MYL7: variants seen among roughly 807,000 people sequenced by gnomAD.
The protein encoded by MYL7 is myosin regulatory light chain 2, atrial isoform.
MYL7 carries 27 observed loss-of-function variants against 22.5 expected under a neutral mutation model. The ratio of observed to expected loss-of-function variants is 1.20; its 90% CI spans 0.89 to 1.66. MYL7 has a LOEUF of 1.66. Among genes scored for constraint, MYL7 ranks in the 40% most tolerant of loss-of-function variants. The pLI is 0.00. For synonymous variants in MYL7, 81 were observed against 84.4 expected, an observed-to-expected ratio of 0.96 and a Z score of 0.22; for missense variants, 209 against 226.8, an observed-to-expected ratio of 0.92 and a Z score of 0.50.
Position 44,139,831 on chromosome 7 carries a change from C to T in MYL7, c.328G>A (p.Ala110Thr). The T allele has an allele frequency of 1.9e-6, 3 of 1,611,244 alleles. No individual in the cohort carries two copies. The change falls in exon 5 of 7, where the codon GCC becomes ACC. Residue 110 changes from alanine to threonine, a missense_variant. By Grantham distance (58) the Ala-to-Thr change is moderately conservative (BLOSUM62 0). Coordinates refer to ENST00000223364, the MANE Select transcript of MYL7 (RefSeq NM_021223.3). ...GTDPEEAILS[A>T]FRMFDPSGKG... is the part of the protein sequence containing the mutation. ...CCGCTGGGGTCAAACATGCGGAAGG[C>T]ACTCAGGATGGCTTCCTCGGGGTCT...
intron 6 of MYL7, 77 bp downstream of exon 6, chr7:44,139,444 G>T: frequency 6.6e-7 from 1 of 1,516,060 alleles, no homozygotes; most frequent in Non-Finnish European, 9.2e-7. Context: ...TGCCTCACTG[G>T]TACTGGGCTC....
Position 44,139,038 on chromosome 7 carries a change from G to C in MYL7, c.427-16C>G. ...TCTGCTCCACCTGCAGGGGACACTGGTGAGTGGCAGTCCCCTGGCTCCTGG... is the reference window on the plus strand; with the variant it reads ...TCTGCTCCACCTGCAGGGGACACTGCTGAGTGGCAGTCCCCTGGCTCCTGG... On this transcript the variant is annotated splice_polypyrimidine_tract_variant and intron_variant, in intron 6 of 6. Transcript: ENST00000223364. The C allele has an allele frequency of 6.2e-7, 1 of 1,603,474 alleles. No individual in the cohort carries two copies. The highest frequency in any genetic ancestry group is 8.5e-7 in the Non-Finnish European group (1 of 1,170,480).
chr7:44,141,245 C>G (rs374644501), intron 1 of MYL7, 58 bp downstream of exon 1: 3 of 1,613,734 alleles, frequency 1.9e-6, no homozygotes, highest in Non-Finnish European at 2.5e-6. Context: ...TCTGCTCCCC[C>G]AGCCCAAAGG....
Position 44,139,487 on chromosome 7 carries a change from G to A in MYL7, c.426+34C>T, listed in dbSNP as rs780056048. The A allele has an allele frequency of 1.9e-6, 3 of 1,611,358 alleles. No homozygotes were observed. The South Asian group carries it at 3.3e-5, about 18-fold the overall frequency. ...TGGGTGAAGGCCCAGAGAAGGTGCT[G>A]GGGATGAGTATTGAAGGGGCTGGGC... is the stretch of plus-strand genomic sequence containing the variant. On this transcript the variant is annotated intron_variant, in intron 6 of 6. Coordinates refer to ENST00000223364, the MANE Select transcript of MYL7 (RefSeq NM_021223.3).
At chr7:44,139,167 G>T in intron 6 of MYL7, 145 bp from the exon 7 acceptor site, 1 of 665,580 alleles carries the variant, frequency 1.5e-6, no homozygotes, top group Non-Finnish European at 2.6e-6. Flanking sequence ...CAGACTCTGG[G>T]TTAATGTTTT....
Position 44,139,519 on chromosome 7 carries a change from A to T in MYL7, c.426+2T>A, listed in dbSNP as rs1423493108. ...AGTATTGAAGGGGCTGGGCAGCCTCACCTCAGCTGGAGAGAACTTGTCTGC... is the reference window on the plus strand; with the variant it reads ...AGTATTGAAGGGGCTGGGCAGCCTCTCCTCAGCTGGAGAGAACTTGTCTGC... On this transcript the variant is annotated splice_donor_variant, in intron 6 of 6. Coordinates refer to ENST00000223364, the MANE Select transcript of MYL7 (RefSeq NM_021223.3). LOFTEE classifies it high-confidence loss of function. 1 of 1,613,410 alleles carries T rather than the reference A, an allele frequency of 6.2e-7. No individual in the cohort carries two copies. Among genetic ancestry groups the T allele is most frequent in the East Asian group, 2.2e-5 (1 of 44,870 alleles).
In MYL7 at chr7:44,141,332, C is replaced by T. The variant is rs572358786; in HGVS notation, c.-27G>A. On this transcript the variant is annotated 5_prime_UTR_variant, in exon 1 of 7. Transcript: ENST00000223364. The stretch of plus-strand genomic sequence containing the variant: ...CTCTCTGCAGAGGTGTGGCTGCTGT[C>T]GTGGTGGCAGGGCCCAGCCTCCTTT... 45 of 1,609,848 alleles carry T rather than the reference C, an allele frequency of 2.8e-5. 1 individual carries two copies. Among genetic ancestry groups the T allele is most frequent in the South Asian group, 1.2e-4 (11 of 90,450 alleles).
intron 6 of MYL7, 66 bp downstream of exon 6, chr7:44,139,455 T>A: frequency 6.4e-7 from 1 of 1,570,954 alleles, no homozygotes. Flanking sequence ...TACTGGGCTC[T>A]GGGTCATGGG....
intron 5 of MYL7, 98 bp from the exon 6 acceptor site, chr7:44,139,667 G>A: frequency 6.4e-7 from 1 of 1,563,012 alleles, no homozygotes; most frequent in Non-Finnish European, 8.7e-7. Context: ...AGGGTTGGCT[G>A]CACCCCAAAG....
chr7:44,139,608 G>T (rs1341704273), intron 5 of MYL7, 39 bp from the exon 6 acceptor site: 1 of 1,588,094 alleles, frequency 6.3e-7, no homozygotes, highest in Non-Finnish European at 8.6e-7. Context: ...GACTGCGGGG[G>T]AGTGACTGCA....
chr7:44,139,963 G>T, intron 4 of MYL7, 103 bp from the exon 5 acceptor site: 1 of 988,872 alleles, frequency 1.0e-6, no homozygotes, highest in Non-Finnish European at 1.5e-6. Flanking sequence ...TCCCAGAAGA[G>T]GTGGGGGTAT....
In MYL7 at chr7:44,139,775, T is replaced by C. The variant is rs369709380; in HGVS notation, c.377+7A>G. 21 of 1,612,604 alleles carry C rather than the reference T, an allele frequency of 1.3e-5. 1 individual carries two copies. The highest frequency in any genetic ancestry group is 9.4e-5 in the African/African-American group (7 of 74,812). ...GGTGCTCCTCATCTGGCTGGGCCCA[T>C]ACTTACTCATCCTTGTTCACCACCC... is the stretch of plus-strand genomic sequence containing the variant. On this transcript the variant is annotated splice_region_variant and intron_variant, in intron 5 of 6. Coordinates refer to ENST00000223364, the MANE Select transcript of MYL7 (RefSeq NM_021223.3).
chr7:44,140,954 C>A lies in MYL7; in HGVS notation c.117+7G>T. The A allele has an allele frequency of 6.2e-7, 1 of 1,611,974 alleles. No homozygotes were observed. Among genetic ancestry groups the A allele is most frequent in the South Asian group, 1.1e-5 (1 of 91,026 alleles). On this transcript the variant is annotated splice_region_variant and intron_variant, in intron 2 of 6. Transcript: ENST00000223364. Reference sequence around the variant, plus strand: ...GGGATCTGAGGCTACTGGGAGTGGGCACTCACTTCTTTGAACTCCTGTATC... The same window carrying A: ...GGGATCTGAGGCTACTGGGAGTGGGAACTCACTTCTTTGAACTCCTGTATC...
chr7:44,140,184 G>A (rs1017878193), intron 4 of MYL7, 139 bp downstream of exon 4: 4 of 687,536 alleles, frequency 5.8e-6, no homozygotes, highest in Admixed American at 5.0e-5. Context: ...AGTCCAGGTG[G>A]GTCCAGGTGG....
Position 44,139,589 on chromosome 7 carries a change from T to G in MYL7, c.378-20A>C, listed in dbSNP as rs758193818. On this transcript the variant is annotated intron_variant, in intron 5 of 6. Transcript: ENST00000223364. Reference sequence around the variant, plus strand: ...TTGAACCTGGGGGGTGAGGAGGGTCTGAGCAGGAGACTGCGGGGGAGTGAC... The same window carrying G: ...TTGAACCTGGGGGGTGAGGAGGGTCGGAGCAGGAGACTGCGGGGGAGTGAC... The G allele has an allele frequency of 1.9e-5, 31 of 1,596,580 alleles. No homozygotes were observed. The highest frequency in any genetic ancestry group is 1.8e-4 in the South Asian group (16 of 88,532).
chr7:44,141,009 G>A lies in MYL7; in HGVS notation c.69C>T (p.Ser23=), dbSNP rs750266782. The A allele has an allele frequency of 1.9e-6, 3 of 1,613,974 alleles. No individual in the cohort carries two copies. Among genetic ancestry groups the A allele is most frequent in the Admixed American group, 1.7e-5 (1 of 60,004 alleles). ...AATKQAQRGS[S]NVFSMFEQAQ... ...CTTGTTCAAACATGGAAAAGACGTTGGAAGAACCACGTTGGGCCTGCTTGG... is the reference window on the plus strand; with the variant it reads ...CTTGTTCAAACATGGAAAAGACGTTAGAAGAACCACGTTGGGCCTGCTTGG... The change falls in exon 2 of 7, where the codon TCC becomes TCT. Residue 23 remains serine, a synonymous_variant. Transcript: ENST00000223364.
Position 44,140,702 on chromosome 7 carries a change from G to A in MYL7, c.193+10C>T. On this transcript the variant is annotated intron_variant, in intron 3 of 6. Coordinates refer to ENST00000223364, the MANE Select transcript of MYL7 (RefSeq NM_021223.3). Reference sequence around the variant, plus strand: ...CCCCAGTGCGCAGGGTGGGAGGTGGGTGCACGCACCCAGCTGGGAGTAGGT... The same window carrying A: ...CCCCAGTGCGCAGGGTGGGAGGTGGATGCACGCACCCAGCTGGGAGTAGGT... The A allele has an allele frequency of 6.3e-7, 1 of 1,596,442 alleles. No homozygotes were observed. The highest frequency in any genetic ancestry group is 1.1e-5 in the South Asian group (1 of 87,298).
chr7:44,140,604 G>T, intron 3 of MYL7, 108 bp downstream of exon 3: 3 of 1,265,416 alleles, frequency 2.4e-6, no homozygotes, highest in Non-Finnish European at 3.3e-6. Flanking sequence ...AGGAGACGGG[G>T]AGGAGGGGAA....
In MYL7 at chr7:44,139,155, C is replaced by T. The variant is rs114030679; in HGVS notation, c.427-133G>A. On this transcript the variant is annotated intron_variant, in intron 6 of 6. Coordinates refer to ENST00000223364, the MANE Select transcript of MYL7 (RefSeq NM_021223.3). ...TTGCCTTAGCTTTTCAACCCTAGAC[C>T]CCAGACTCTGGGTTAATGTTTTTCT... is the stretch of plus-strand genomic sequence containing the variant. The T allele has an allele frequency of 1.2e-3, 838 of 680,080 alleles. 10 individuals are homozygous for T. In the African/African-American group the frequency reaches 0.014, roughly 11 times the overall value. The allele number at this position is 680,080 out of a possible 1,614,324, so 42.1% of individuals were successfully genotyped here. A position where few individuals can be genotyped will look rare whatever the true frequency, so the allele number is the denominator to read the frequency against.
Sources: allele counts gnomAD v4.1 joint callset, GRCh38; gene constraint gnomAD v4.1.1; transcripts MANE v1.5; gene names NCBI Gene and HGNC (gene_info 2026-07-23, HGNC 2026-07-21).